The following CYP46A1 variants were observed in gnomAD, a reference collection of about 807,000 sequenced individuals.
CYP46A1 encodes the protein cholesterol 24-hydroxylase.
In CYP46A1, 20 loss-of-function variants were observed where a neutral mutation model predicts 63.3. The observed-to-expected ratio is 0.32, with a 90% CI of 0.22 to 0.46. The LOEUF (loss-of-function observed/expected upper bound fraction) is 0.46, where lower values mean the gene tolerates loss of function less well. Among genes scored for constraint, CYP46A1 ranks in the 20% least tolerant of loss-of-function variants. The pLI is 1.00. For synonymous variants in CYP46A1, 268 were observed against 273.6 expected, an observed-to-expected ratio of 0.98 and a Z score of 0.20; for missense variants, 445 against 670.8, an observed-to-expected ratio of 0.66 and a Z score of 3.72.
intron 7 of CYP46A1, chr14:99,710,853 C>A (rs1349581990): frequency 6.6e-6 from 1 of 152,178 alleles, no homozygotes; most frequent in Admixed American, 6.5e-5. Flanking sequence ...CATCTAATAG[C>A]TGCAGAACAT....
Position 99,716,012 on chromosome 14 carries a change from C to G in CYP46A1, c.844+52C>G, listed in dbSNP as rs749501515. 2.5e-6 allele frequency: 4 copies of G among 1,600,814 alleles called. No individual in the cohort carries two copies. In the African/African-American group the frequency reaches 5.4e-5, roughly 21 times the overall value. On this transcript the variant is annotated intron_variant, in intron 8 of 14. Coordinates refer to ENST00000261835, the MANE Select transcript of CYP46A1 (RefSeq NM_006668.2). The stretch of plus-strand genomic sequence containing the variant: ...GGAGGGCGGGGTGGGCCAGGACGTT[C>G]CCCAGGTGATACATCGCCACTGACT...
At chr14:99,698,680 T>C (rs1226039648) in intron 3 of CYP46A1, among the ~76,000 whole-genome samples, 1 of 152,010 alleles carries the variant, frequency 6.6e-6, no homozygotes, top group Non-Finnish European at 1.5e-5. Context: ...GCAGAGGAGG[T>C]GAGTAACTCA....
chr14:99,685,003 A>C (rs2140108045), intron 1 of CYP46A1, among the ~76,000 whole-genome samples: 1 of 149,838 alleles, frequency 6.7e-6, no homozygotes, highest in African/African-American at 2.5e-5. Context: ...CTGTTCTGGG[A>C]CACCCCATTT....
rs1566838339 is a variant in CYP46A1, at chr14:99,726,229, C to A, written c.1305C>A (p.Arg435=). 6.2e-7 allele frequency: 1 copy of A among 1,613,752 alleles called. No individual in the cohort carries two copies. The highest frequency in any genetic ancestry group is 8.5e-7 in the Non-Finnish European group (1 of 1,179,926). ...FTYFPFSLGH[R]SCIGQQFAQM... ...ACTTCCCCTTCTCCCTGGGCCACCG[C>A]TCCTGCATCGGGCAGCAGTTTGCTC... Residue 435 remains arginine (R), a synonymous_variant, in exon 14 of 15, where the codon CGC becomes CGA. Coordinates refer to ENST00000261835, the MANE Select transcript of CYP46A1 (RefSeq NM_006668.2).
chr14:99,712,738 T>A (rs574482224), intron 7 of CYP46A1: 1 of 152,304 alleles, frequency 6.6e-6, no homozygotes, highest in East Asian at 1.9e-4. Flanking sequence ...AATCTAAAGA[T>A]TCAATGCAAT....
chr14:99,724,718 G>T (rs1046970730), intron 12 of CYP46A1, among the ~76,000 whole-genome samples: 2 of 152,176 alleles, frequency 1.3e-5, no homozygotes, highest in Non-Finnish European at 2.9e-5. Context: ...CCCCCACACC[G>T]GATGTTCCCA....
At chr14:99,726,504 C>G in intron 14 of CYP46A1, 53 bp from the exon 15 acceptor site, 1 of 1,465,366 alleles carries the variant, frequency 6.8e-7, no homozygotes, top group Non-Finnish European at 9.1e-7. Flanking sequence ...CATTCACTCA[C>G]TCATTCTGTC....
chr14:99,688,137 G>A (rs1322984017), intron 1 of CYP46A1, among the ~76,000 whole-genome samples: 1 of 151,944 alleles, frequency 6.6e-6, no homozygotes, highest in Non-Finnish European at 1.5e-5. Flanking sequence ...TCACTTAAGT[G>A]ACTCAAAACT....
intron 9 of CYP46A1, 89 bp from the exon 10 acceptor site, chr14:99,717,965 C>T (rs969645665): frequency 2.9e-6 from 3 of 1,038,190 alleles, no homozygotes; most frequent in Middle Eastern, 2.3e-4. Context: ...CATTTACATG[C>T]CAGCACTGGC....
intron 10 of CYP46A1, among the ~76,000 whole-genome samples, chr14:99,718,810 A>G (rs1009824729): frequency 3.3e-5 from 5 of 152,152 alleles, no homozygotes; most frequent in African/African-American, 1.2e-4. Flanking sequence ...TTGTGTGAAA[A>G]TATACAATCT....
Position 99,726,244 on chromosome 14 carries a change from G to A in CYP46A1, c.1320G>A (p.Gln440=), listed in dbSNP as rs750815135. Reference sequence around the variant, plus strand: ...TGGGCCACCGCTCCTGCATCGGGCAGCAGTTTGCTCAGGTAGGAGGGGCAG... The same window carrying A: ...TGGGCCACCGCTCCTGCATCGGGCAACAGTTTGCTCAGGTAGGAGGGGCAG... ...FSLGHRSCIG[Q]QFAQMEVKVV... The change falls in exon 14 of 15, where the codon CAG becomes CAA. Residue 440 remains glutamine, a synonymous_variant. Transcript: ENST00000261835. 6.2e-7 allele frequency: 1 copy of A among 1,613,546 alleles called. No homozygotes were observed. The highest frequency in any genetic ancestry group is 1.1e-5 in the South Asian group (1 of 91,048).
Position 99,715,840 on chromosome 14 carries a change from G to A in CYP46A1, c.724G>A (p.Glu242Lys), listed in dbSNP as rs1300487337. The change falls in exon 8 of 15, where the codon GAG (glutamate) becomes AAG (lysine). Residue 242 changes from glutamate (E) to lysine (K), a missense_variant. Around this residue, in one of 4 missense-constraint regions of CYP46A1, gnomAD observed 252 missense variants for 383.3 expected, o/e 0.66. Coordinates refer to ENST00000261835, the MANE Select transcript of CYP46A1 (RefSeq NM_006668.2). ...FLPGKRKQLREVRESIRFLRQ... is the reference protein window; with the variant it reads ...FLPGKRKQLRKVRESIRFLRQ... ...GCCAGGGAAGAGGAAGCAGCTCCGGGAGGTCCGGGAGAGCATTCGCTTCCT... is the reference window on the plus strand; with the variant it reads ...GCCAGGGAAGAGGAAGCAGCTCCGGAAGGTCCGGGAGAGCATTCGCTTCCT... 1.2e-6 allele frequency: 2 copies of A among 1,614,120 alleles called. No homozygotes were observed. Among genetic ancestry groups the A allele is most frequent in the South Asian group, 2.2e-5 (2 of 91,074 alleles).
intron 1 of CYP46A1, among the ~76,000 whole-genome samples, chr14:99,690,643 A>G (rs2056535337): frequency 6.6e-6 from 1 of 152,172 alleles, no homozygotes; most frequent in Non-Finnish European, 1.5e-5. Flanking sequence ...CAGCTGTGCA[A>G]TTGTGGGCAA....
rs1359361702 is a variant in CYP46A1 at position 99,722,878 on chromosome 14, A to G, written c.1176+812A>G. On this transcript the variant is annotated intron_variant, in intron 12 of 14. Coordinates refer to ENST00000261835, the MANE Select transcript of CYP46A1 (RefSeq NM_006668.2). This position sits in a 1 kb window ranked among gnomAD's most constrained non-coding sequence, Gnocchi z 4.6. Reference sequence around the variant, plus strand: ...CAGCAACGATGCCATTTCTGTCCGCATGTCCAGGAACAGTGTGCAAGCCAG... The same window carrying G: ...CAGCAACGATGCCATTTCTGTCCGCGTGTCCAGGAACAGTGTGCAAGCCAG... The G allele has an allele frequency of 1.1e-5, 5 of 451,212 alleles. No homozygotes were observed. The highest frequency in any genetic ancestry group is 4.0e-5 in the African/African-American group (2 of 50,026). 28.0% of individuals were successfully genotyped at this position (451,212 alleles called of 1,614,324 possible).
In CYP46A1 at chr14:99,686,434, C is replaced by T. The variant is rs111478910; in HGVS notation, c.119+1898C>T. ...TACATTCACAGCACTGTGCAGCCAT[C>T]GCCACCGATTTCAGAACTGTTTTGT... On this transcript the variant is annotated intron_variant, in intron 1 of 14. Transcript: ENST00000261835. 4.8e-3 allele frequency among the ~76,000 whole-genome samples: 729 copies of T among 152,274 alleles called. 6 individuals carry two copies. The highest frequency in any genetic ancestry group is 0.017 in the African/African-American group (695 of 41,552).
At chr14:99,706,934 C>T (rs2056681989) in intron 6 of CYP46A1, 149 bp downstream of exon 6, 1 of 1,068,890 alleles carries the variant, frequency 9.4e-7, no homozygotes, top group Non-Finnish European at 1.3e-6. Flanking sequence ...TGTATACATT[C>T]TGTCTCCTTC....
intron 1 of CYP46A1, among the ~76,000 whole-genome samples, chr14:99,689,743 C>T (rs1040293598): frequency 1.3e-5 from 2 of 152,222 alleles, no homozygotes; most frequent in African/African-American, 4.8e-5. Flanking sequence ...CCTCCGCTGC[C>T]CTGCTCTGTT....
At chr14:99,694,331 T>G (rs1159144448) in intron 3 of CYP46A1, among the ~76,000 whole-genome samples, 6 of 151,410 alleles carry the variant, frequency 4.0e-5, no homozygotes, top group Non-Finnish European at 7.4e-5. Context: ...ATCTGTGATA[T>G]GTTCCCTCTC....
intron 9 of CYP46A1, among the ~76,000 whole-genome samples, chr14:99,717,257 C>T (rs903861217): frequency 2.8e-4 from 42 of 152,240 alleles, no homozygotes; most frequent in African/African-American, 7.7e-4. Context: ...TTATTAATCC[C>T]GTCTCGTCCC....
Sources: allele counts gnomAD v4.1 joint callset (sites outside exome capture counted in the v4.1 genomes callset), GRCh38; gene constraint gnomAD v4.1.1; regional missense constraint gnomAD v4.1.1; non-coding constraint Gnocchi (gnomAD v3.1); transcripts MANE v1.5; gene names NCBI Gene and HGNC (gene_info 2026-07-23, HGNC 2026-07-21).